The following CRTC3 variants were observed in gnomAD, a reference collection of about 807,000 sequenced individuals.
The protein encoded by CRTC3 is CREB regulated transcription coactivator 3.
CRTC3 carries 26 observed loss-of-function variants against 74.5 expected under a neutral mutation model. The ratio of observed to expected loss-of-function variants is 0.35; its 90% CI spans 0.26 to 0.48. CRTC3 has a LOEUF of 0.48. CRTC3 is among the 20% of genes least tolerant of loss of function. The pLI, the probability that CRTC3 is intolerant of heterozygous loss-of-function variation, is 0.99. For synonymous variants in CRTC3, 377 were observed against 325.8 expected, an observed-to-expected ratio of 1.16 and a Z score of -1.69; for missense variants, 760 against 787.3, an observed-to-expected ratio of 0.97 and a Z score of 0.41.
chr15:90,566,580 A>C (rs933344454), intron 2 of CRTC3, among the ~76,000 whole-genome samples: 5 of 151,158 alleles, frequency 3.3e-5, no homozygotes, highest in African/African-American at 1.2e-4. Context: ...GAAGAAGCCA[A>C]CTCCATAACA....
intron 3 of CRTC3, 22 bp downstream of exon 3, chr15:90,593,777 AG>A: frequency 6.3e-7 from 1 of 1,578,634 alleles, no homozygotes; most frequent in Non-Finnish European, 8.7e-7. Flanking sequence ...TACTCTTCAA[AG>A]GGAGTGTGCA....
intron 2 of CRTC3, among the ~76,000 whole-genome samples, chr15:90,589,416 A>G (rs192161962): frequency 6.6e-4 from 101 of 152,000 alleles, no homozygotes; most frequent in African/African-American, 2.3e-3. Flanking sequence ...CAGTGGCTCA[A>G]TCATAGTTCA....
chr15:90,543,435 A>T (rs951180463), intron 2 of CRTC3, among the ~76,000 whole-genome samples: 3 of 151,648 alleles, frequency 2.0e-5, no homozygotes, highest in African/African-American at 7.3e-5. Flanking sequence ...CAATCTATAC[A>T]TTCATTTTTT....
At chr15:90,603,634 T>C (rs1028488112) in intron 4 of CRTC3, among the ~76,000 whole-genome samples, 1 of 152,170 alleles carries the variant, frequency 6.6e-6, no homozygotes, top group Non-Finnish European at 1.5e-5. Flanking sequence ...CTGCATCTGT[T>C]GTGTGCCTAG....
chr15:90,597,104 G>A (rs749355063), intron 3 of CRTC3, among the ~76,000 whole-genome samples: 5 of 152,208 alleles, frequency 3.3e-5, no homozygotes, highest in African/African-American at 2.4e-5. Context: ...AGCTGCAGCT[G>A]GGCCCTGGCC....
At position 90,619,769 on chromosome 15, in the gene CRTC3, C is replaced by A. The variant is rs1371721070; in HGVS notation, c.728C>A (p.Ser243Tyr). Residue 243 changes from serine (S) to tyrosine (Y), a missense_variant, in exon 9 of 15, where the codon TCC becomes TAC. Coordinates refer to ENST00000268184, the MANE Select transcript of CRTC3 (RefSeq NM_022769.5). ...EIQSLSGRPR[S>Y]CDVGGGNAFP... is the part of the protein sequence containing the mutation. ...CAGTCCCTGTCAGGACGCCCTCGAT[C>A]CTGTGATGTTGGAGGTGGCAAGTAA... The A allele has an allele frequency of 6.2e-7, 1 of 1,613,776 alleles. No individual in the cohort carries two copies. Among genetic ancestry groups the A allele is most frequent in the South Asian group, 1.1e-5 (1 of 91,084 alleles).
intron 1 of CRTC3, among the ~76,000 whole-genome samples, chr15:90,533,150 T>A (rs1275646117): frequency 5.8e-5 from 7 of 119,662 alleles, no homozygotes; most frequent in African/African-American, 2.2e-4. Context: ...ACGCCTGTAA[T>A]CCCAGCACTT....
At chr15:90,635,056 A>G (rs1490643984) in intron 11 of CRTC3, 5 of 891,080 alleles carry the variant, frequency 5.6e-6, no homozygotes, top group Non-Finnish European at 7.5e-6. Flanking sequence ...CTGAAATGGC[A>G]TCAGTGTGAA....
At chr15:90,536,111 A>C (rs1286622017) in intron 1 of CRTC3, among the ~76,000 whole-genome samples, 2 of 152,128 alleles carry the variant, frequency 1.3e-5, no homozygotes, top group Admixed American at 6.6e-5. Context: ...GTGTTGGTTT[A>C]TTTTTAGACT....
intron 2 of CRTC3, among the ~76,000 whole-genome samples, chr15:90,559,609 A>G (rs1966969119): frequency 6.6e-6 from 1 of 151,964 alleles, no homozygotes; most frequent in African/African-American, 2.4e-5. Flanking sequence ...AAATTTTTTC[A>G]TTTTGTGGTT....
intron 9 of CRTC3, among the ~76,000 whole-genome samples, chr15:90,622,137 C>T (rs1453503915): frequency 6.6e-6 from 1 of 152,100 alleles, no homozygotes; most frequent in African/African-American, 2.4e-5. Context: ...AGGAGTGGGC[C>T]TGGAGTTCAA....
intron 11 of CRTC3, among the ~76,000 whole-genome samples, chr15:90,632,956 A>AT (rs1351266822): frequency 6.6e-6 from 1 of 152,178 alleles, no homozygotes; most frequent in Non-Finnish European, 1.5e-5. Context: ...GTTAGGCATT[A>AT]TCTAATGACA....
intron 2 of CRTC3, among the ~76,000 whole-genome samples, chr15:90,567,823 C>A (rs1967162448): frequency 6.6e-6 from 1 of 152,116 alleles, no homozygotes; most frequent in Non-Finnish European, 1.5e-5. Context: ...TTCTGCAGCC[C>A]ATGGATCAAG....
chr15:90,603,275 C>T (rs532017891), intron 4 of CRTC3, among the ~76,000 whole-genome samples: 5 of 148,694 alleles, frequency 3.4e-5, no homozygotes, highest in Middle Eastern at 3.4e-3. Flanking sequence ...AACCCCGTCT[C>T]CACTAAAAAT....
chr15:90,538,560 T>C (rs1406664493), intron 1 of CRTC3, among the ~76,000 whole-genome samples: 2 of 152,226 alleles, frequency 1.3e-5, no homozygotes, highest in Non-Finnish European at 2.9e-5. Context: ...GAAATTTCTG[T>C]CAGTGAGGCA....
chr15:90,579,147 A>G (rs1967476948), intron 2 of CRTC3, among the ~76,000 whole-genome samples: 1 of 152,194 alleles, frequency 6.6e-6, no homozygotes, highest in Non-Finnish European at 1.5e-5. Flanking sequence ...CTATTTACAT[A>G]GTATTTGCTT....
intron 3 of CRTC3, chr15:90,600,493 G>C (rs1326960001): frequency 6.6e-6 from 1 of 152,204 alleles, no homozygotes; most frequent in African/African-American, 2.4e-5. Flanking sequence ...TGTTTCCTGA[G>C]AGGCAGCATA....
chr15:90,541,782 C>CTTTTTTTTTTTTTTTTTTTTTTTT lies in CRTC3; in HGVS notation c.231+1652_231+1653insTTTTTTTTTTTTTTTTTTTTTTTT, dbSNP rs11426969. 6.7e-5 allele frequency among the ~76,000 whole-genome samples: 8 copies of CTTTTTTTTTTTTTTTTTTTTTTTT among 120,100 alleles called. 3 individuals carry two copies. The highest frequency in any genetic ancestry group is 8.4e-5 in the Non-Finnish European group (5 of 59,358). 78.8% of individuals were successfully genotyped at this position (120,100 alleles called of 152,430 possible). On this transcript the variant is annotated intron_variant, in intron 2 of 14. Transcript: ENST00000268184. ...GATAATCCTTGGCCTTCCCAGGATT[C>CTTTTTTTTTTTTTTTTTTTTTTTT]TTTTTTTCTTTTTTTTTTTTTGAGA...
intron 3 of CRTC3, chr15:90,594,643 G>A (rs939682419): frequency 3.3e-5 from 5 of 152,326 alleles, no homozygotes; most frequent in African/African-American, 1.2e-4. Flanking sequence ...CATGTTTACT[G>A]AGCACCTACC....
Sources: gnomAD v4.1 joint callset for allele counts (sites outside exome capture counted in the v4.1 genomes callset) on GRCh38, gnomAD v4.1.1 for gene constraint, MANE v1.5 for transcripts, NCBI Gene and HGNC (gene_info 2026-07-23, HGNC 2026-07-21) for gene names.